Variants in SLC35F1 observed in about 807,000 individuals in gnomAD.
SLC35F1 encodes chromosome 6 open reading frame 169.
Under a neutral mutation model 48.7 loss-of-function variants are expected in SLC35F1, and 14 were observed. That is an observed-to-expected ratio of 0.29 (90% CI 0.19 to 0.45). The LOEUF (loss-of-function observed/expected upper bound fraction) is 0.45, where lower values mean the gene tolerates loss of function less well. Among genes scored for constraint, SLC35F1 ranks in the 20% least tolerant of loss-of-function variants. SLC35F1 has a pLI of 1.00. For synonymous variants in SLC35F1, 190 were observed against 202.2 expected (o/e 0.94, Z 0.51); for missense variants, 404 against 500.0 (o/e 0.81, Z 1.83).
At chr6:118,010,662 G>C (rs761978319) in intron 1 of SLC35F1, among the ~76,000 whole-genome samples, 42 of 152,130 alleles carry the variant, frequency 2.8e-4, no homozygotes, top group Non-Finnish European at 5.0e-4. Flanking sequence ...TGTATGTTAT[G>C]CTTCAGTGCT....
chr6:118,207,731 C>T lies in SLC35F1; in HGVS notation c.350-27778C>T, dbSNP rs1416611551. 7.2e-5 allele frequency among the ~76,000 whole-genome samples: 11 copies of T among 152,312 alleles called. No homozygotes were observed. In the South Asian group the frequency reaches 2.3e-3, roughly 32 times the overall value. On this transcript the variant is annotated intron_variant, in intron 2 of 7. Coordinates refer to ENST00000360388, the MANE Select transcript of SLC35F1 (RefSeq NM_001029858.4). ...CTGAGACCTCGTCTGACTTCAAGGA[C>T]AAATTGCTATTTCTCTTGCCACCTC...
intron 1 of SLC35F1, among the ~76,000 whole-genome samples, chr6:118,028,548 G>T (rs1315241470): frequency 6.6e-6 from 1 of 152,054 alleles, no homozygotes; most frequent in Non-Finnish European, 1.5e-5. Context: ...GAGGAAATGG[G>T]TGGATAGTGT....
chr6:118,047,880 T>C (rs2114907206), intron 1 of SLC35F1, among the ~76,000 whole-genome samples: 1 of 152,252 alleles, frequency 6.6e-6, no homozygotes, highest in Non-Finnish European at 1.5e-5. Flanking sequence ...TATTTCCTTC[T>C]CCTGCCTAAT....
At chr6:117,980,362 C>T (rs886636976) in intron 1 of SLC35F1, among the ~76,000 whole-genome samples, 7 of 152,168 alleles carry the variant, frequency 4.6e-5, no homozygotes, top group African/African-American at 1.4e-4. Flanking sequence ...TAATTATTCC[C>T]ATTTCACAAA....
chr6:118,179,971 C>A (rs1316385324), intron 2 of SLC35F1, among the ~76,000 whole-genome samples: 1 of 152,044 alleles, frequency 6.6e-6, no homozygotes, highest in Non-Finnish European at 1.5e-5. Context: ...AGAGTAAATC[C>A]AGGAAACTCT....
intron 1 of SLC35F1, among the ~76,000 whole-genome samples, chr6:117,998,020 C>A (rs1208636413): frequency 1.3e-5 from 2 of 149,032 alleles, no homozygotes; most frequent in Non-Finnish European, 3.0e-5. Flanking sequence ...GTGCTGTATT[C>A]AGGAAACCCA....
chr6:118,292,289 G>A (rs576813343), intron 7 of SLC35F1, among the ~76,000 whole-genome samples: 19 of 152,290 alleles, frequency 1.2e-4, no homozygotes, highest in African/African-American at 4.3e-4. Context: ...CAAGCAGGTA[G>A]AACTGGGACC....
intron 7 of SLC35F1, among the ~76,000 whole-genome samples, chr6:118,311,133 T>C (rs1007221504): frequency 2.7e-4 from 41 of 152,190 alleles, no homozygotes; most frequent in African/African-American, 9.4e-4. Flanking sequence ...GCTTTCTTCA[T>C]TGTCTCTTCC....
intron 1 of SLC35F1, among the ~76,000 whole-genome samples, chr6:117,955,550 G>A (rs1250629045): frequency 6.6e-6 from 1 of 152,130 alleles, no homozygotes; most frequent in Non-Finnish European, 1.5e-5. Flanking sequence ...GGTCTTGAAA[G>A]GACACTTGAT....
At chr6:117,945,998 C>A (rs1396497758) in intron 1 of SLC35F1, among the ~76,000 whole-genome samples, 1 of 152,110 alleles carries the variant, frequency 6.6e-6, no homozygotes, top group Non-Finnish European at 1.5e-5. Flanking sequence ...AAAGTAATTG[C>A]AGTTTATGTT....
At chr6:118,000,301 A>T (rs890955747) in intron 1 of SLC35F1, among the ~76,000 whole-genome samples, 9 of 149,820 alleles carry the variant, frequency 6.0e-5, no homozygotes, top group Non-Finnish European at 1.0e-4. Context: ...CAATATATGC[A>T]AATCAATAAA....
intron 1 of SLC35F1, among the ~76,000 whole-genome samples, chr6:117,966,454 C>G (rs116107024): frequency 2.6e-5 from 4 of 151,982 alleles, no homozygotes; most frequent in African/African-American, 9.7e-5. Flanking sequence ...ATGAACAACT[C>G]GGGATGCGCT....
At chr6:118,187,573 G>C (rs1312490428) in intron 2 of SLC35F1, among the ~76,000 whole-genome samples, 5 of 152,078 alleles carry the variant, frequency 3.3e-5, no homozygotes, top group African/African-American at 1.2e-4. Context: ...TAGTTATCCA[G>C]CGCGTGGGTG....
intron 1 of SLC35F1, among the ~76,000 whole-genome samples, chr6:118,153,203 T>A (rs1774088899): frequency 1.3e-5 from 2 of 152,208 alleles, no homozygotes; most frequent in South Asian, 4.1e-4. Context: ...CCGCAAATCC[T>A]TTGCCTAAAG....
At position 118,154,488 on chromosome 6, in the gene SLC35F1, C is replaced by A; in HGVS notation, c.217C>A (p.Leu73Ile). ...SVALGQVLSL[L>I]ICGIGLTSKY... ...GGCCCTAGGCCAGGTGTTATCCCTC[C>A]TTATTTGTGGAATTGGCTTGACTAG... The change falls in exon 2 of 8, where the codon CTT becomes ATT. Residue 73 changes from leucine (L) to isoleucine (I), a missense_variant. Coordinates refer to ENST00000360388, the MANE Select transcript of SLC35F1 (RefSeq NM_001029858.4). 1.2e-6 allele frequency: 2 copies of A among 1,613,880 alleles called. No individual in the cohort carries two copies. Among genetic ancestry groups the A allele is most frequent in the Non-Finnish European group, 1.7e-6 (2 of 1,179,870 alleles).
chr6:117,939,998 C>T (rs1242646830), intron 1 of SLC35F1, among the ~76,000 whole-genome samples: 1 of 152,284 alleles, frequency 6.6e-6, no homozygotes, highest in East Asian at 1.9e-4. Context: ...TCTAGGAGCA[C>T]ACAGTGGGTG....
intron 1 of SLC35F1, among the ~76,000 whole-genome samples, chr6:117,928,783 G>A (rs1776061824): frequency 6.6e-6 from 1 of 152,106 alleles, no homozygotes; most frequent in South Asian, 2.1e-4. Context: ...GCTTCAATGA[G>A]CTGTACATGG....
chr6:118,081,297 G>A (rs1772904199), intron 1 of SLC35F1, among the ~76,000 whole-genome samples: 1 of 152,100 alleles, frequency 6.6e-6, no homozygotes, highest in Admixed American at 6.6e-5. Context: ...AAATTAAATA[G>A]CTGTGAATCC....
intron 3 of SLC35F1, among the ~76,000 whole-genome samples, chr6:118,249,233 A>G (rs767670087): frequency 1.3e-5 from 2 of 152,222 alleles, no homozygotes; most frequent in Non-Finnish European, 2.9e-5. Context: ...TTCTCCAAAT[A>G]GAACTGGAAA....
Sources: gnomAD v4.1 joint callset for allele counts (sites outside exome capture counted in the v4.1 genomes callset) on GRCh38, gnomAD v4.1.1 for gene constraint, MANE v1.5 for transcripts, NCBI Gene and HGNC (gene_info 2026-07-23, HGNC 2026-07-21) for gene names.